FASTKD1: variants seen among roughly 807,000 people sequenced by gnomAD.
FASTKD1 encodes the protein FAST kinase domains 1.
FASTKD1 carries 94 observed loss-of-function variants against 90.9 expected under a neutral mutation model. The ratio of observed to expected loss-of-function variants is 1.03; its 90% CI spans 0.88 to 1.23. The LOEUF (loss-of-function observed/expected upper bound fraction) is 1.23. Among genes scored for constraint, FASTKD1 ranks in the 50% most tolerant of loss-of-function variants. FASTKD1 has a pLI of 0.00. For missense variants in FASTKD1, 945 were observed against 993.5 expected, an observed-to-expected ratio of 0.95 and a Z score of 0.66; for synonymous variants, 319 against 345.8, an observed-to-expected ratio of 0.92 and a Z score of 0.86.
chr2:169,562,030 T>C (rs13010047), intron 4 of FASTKD1, among the ~76,000 whole-genome samples: 3,179 of 100,968 alleles, frequency 0.031, 277 homozygotes, highest in Non-Finnish European at 0.047. Context: ...ATTAATTATT[T>C]ATTAATTTAT....
chr2:169,568,048 G>A (rs895271701), intron 3 of FASTKD1, among the ~76,000 whole-genome samples: 9 of 152,148 alleles, frequency 5.9e-5, no homozygotes, highest in Non-Finnish European at 1.3e-4. Flanking sequence ...TGATTATCAA[G>A]TAAGGCAACA....
At position 169,530,630 on chromosome 2, in the gene FASTKD1, A is replaced by T. The variant is rs946633269; in HGVS notation, c.2399T>A (p.Met800Lys). Residue 800 changes from methionine to lysine, a missense_variant, in exon 14 of 15, where the codon ATG becomes AAG. Transcript: ENST00000453153. ...NIPHMKGKSA[M>K]KKRHLEILGY... is the part of the protein sequence containing the mutation. ...CAGAATTTCCAAATGTCGTTTTTTC[A>T]TAGCAGATTTTCCTTTCATGTGAGG... 2 of 1,609,448 alleles carry T rather than the reference A, an allele frequency of 1.2e-6. No individual in the cohort carries two copies. Among genetic ancestry groups the T allele is most frequent in the Admixed American group, 1.7e-5 (1 of 59,002 alleles).
intron 5 of FASTKD1, among the ~76,000 whole-genome samples, chr2:169,558,528 C>A (rs1390384027): frequency 6.6e-6 from 1 of 152,162 alleles, no homozygotes; most frequent in Non-Finnish European, 1.5e-5. Flanking sequence ...TGGCTCACTG[C>A]AACCTCAGTC....
intron 9 of FASTKD1, 98 bp from the exon 10 acceptor site, chr2:169,540,277 A>G: frequency 1.6e-6 from 2 of 1,236,288 alleles, no homozygotes; most frequent in East Asian, 2.6e-5. Context: ...AAAAAAAGAT[A>G]CACAGCCTTG....
chr2:169,531,227 G>C, intron 13 of FASTKD1, 125 bp downstream of exon 13: 1 of 998,070 alleles, frequency 1.0e-6, no homozygotes, highest in South Asian at 1.3e-5. Context: ...AAGTTACAAA[G>C]GTGGAATGCA....
At chr2:169,542,073 A>G (rs146441413) in intron 9 of FASTKD1, among the ~76,000 whole-genome samples, 12 of 152,128 alleles carry the variant, frequency 7.9e-5, no homozygotes, top group African/African-American at 2.6e-4. Context: ...ATAGCACTCC[A>G]TCTCACACTT....
rs1375657175 is a variant in FASTKD1, at chr2:169,562,177, G to GT, written c.572+1047dup. ...TAATTATTTATTAATTTATTTTTTG[G>GT]TTTTTTTGGATTTTGTTGTTGTTGT... is the stretch of plus-strand genomic sequence containing the variant. On this transcript the variant is annotated intron_variant, in intron 4 of 14. Transcript: ENST00000453153. 4.3e-5 allele frequency among the ~76,000 whole-genome samples: 6 copies of GT among 139,884 alleles called. No individual in the cohort carries two copies. In the South Asian group the frequency reaches 9.1e-4, roughly 21 times the overall value. The allele number at this position is 139,884 out of a possible 152,430, so 91.8% of individuals were successfully genotyped here.
rs777926317 is a variant in FASTKD1, at chr2:169,531,394, T to G, written c.2285A>C (p.Asn762Thr). 6.2e-7 allele frequency: 1 copy of G among 1,613,432 alleles called. No homozygotes were observed. Among genetic ancestry groups the G allele is most frequent in the South Asian group, 1.1e-5 (1 of 91,030 alleles). The change falls in exon 13 of 15, where the codon AAT (asparagine) becomes ACT (threonine). Residue 762 changes from asparagine (N) to threonine (T), a missense_variant. Asn to Thr is a moderately conservative substitution (Grantham distance 65, BLOSUM62 0). Coordinates refer to ENST00000453153, the MANE Select transcript of FASTKD1 (RefSeq NM_024622.6). ...CAGCCTTGATCCAACTATTTCGATA[T>G]TTGATTCCCAGGGCATTTCTGGTAG... Reference protein sequence around the residue: ...GQLPEMPWESNIEIVGSRLPP... With the variant: ...GQLPEMPWESTIEIVGSRLPP...
chr2:169,567,230 T>C (rs899344719), intron 3 of FASTKD1, among the ~76,000 whole-genome samples: 1 of 152,102 alleles, frequency 6.6e-6, no homozygotes, highest in East Asian at 1.9e-4. Flanking sequence ...AATACAATCA[T>C]ACATGTAATT....
intron 3 of FASTKD1, among the ~76,000 whole-genome samples, chr2:169,564,436 T>A (rs11884826): frequency 0.5 from 74,662 of 150,452 alleles, 18,463 homozygotes; most frequent in South Asian, 0.53. Context: ...AAAAAAAAAA[T>A]TTTTTTTGTG....
intron 4 of FASTKD1, among the ~76,000 whole-genome samples, chr2:169,561,780 TATTA>T (rs1473482721): frequency 7.2e-6 from 1 of 139,482 alleles, no homozygotes; most frequent in Admixed American, 7.1e-5. Context: ...GTAAATTATT[TATTA>T]ATTTATTGTA....
At chr2:169,548,967 G>A (rs1043233307) in intron 7 of FASTKD1, among the ~76,000 whole-genome samples, 37 of 151,490 alleles carry the variant, frequency 2.4e-4, no homozygotes, top group Middle Eastern at 3.4e-3. Context: ...CATGGTGGTG[G>A]GTGCCTGTAG....
intron 3 of FASTKD1, among the ~76,000 whole-genome samples, chr2:169,565,435 T>C (rs1683929490): frequency 6.6e-6 from 1 of 151,718 alleles, no homozygotes; most frequent in South Asian, 2.1e-4. Flanking sequence ...GCTAACTTTT[T>C]GTATTTTTAG....
chr2:169,561,320 G>A (rs1344737338), intron 4 of FASTKD1, among the ~76,000 whole-genome samples: 1 of 151,342 alleles, frequency 6.6e-6, no homozygotes, highest in African/African-American at 2.4e-5. Context: ...GGGTGGAGTG[G>A]GGCAAGAAGA....
intron 3 of FASTKD1, among the ~76,000 whole-genome samples, chr2:169,565,871 T>C (rs1683953330): frequency 1.3e-5 from 2 of 152,318 alleles, no homozygotes; most frequent in Middle Eastern, 3.4e-3. Flanking sequence ...GTCTTTTGGA[T>C]ATAAGCCATT....
rs761301247 is a variant in FASTKD1 at position 169,540,196 on chromosome 2, A to AT, written c.1817-18dup. 80 of 1,526,408 alleles carry AT rather than the reference A, an allele frequency of 5.2e-5. No homozygotes were observed. In the African/African-American group the frequency reaches 7.7e-4, roughly 15 times the overall value. 94.6% of individuals were successfully genotyped at this position (1,526,408 alleles called of 1,614,324 possible). ...CCAATATACCTAAAAGAAAATTAAGATTTTTTTAAAGGTATAGCTGCCTCA... is the reference window on the plus strand; with the variant it reads ...CCAATATACCTAAAAGAAAATTAAGATTTTTTTTAAAGGTATAGCTGCCTCA... On this transcript the variant is annotated splice_polypyrimidine_tract_variant and intron_variant, in intron 9 of 14. Coordinates refer to ENST00000453153, the MANE Select transcript of FASTKD1 (RefSeq NM_024622.6).
At chr2:169,559,180 T>C (rs114477738) in intron 5 of FASTKD1, among the ~76,000 whole-genome samples, 2 of 151,164 alleles carry the variant, frequency 1.3e-5, no homozygotes, top group African/African-American at 4.9e-5. Context: ...TCCATGTTGG[T>C]CTGGGTGGTC....
At chr2:169,553,271 C>A (rs1390455383) in intron 7 of FASTKD1, among the ~76,000 whole-genome samples, 93 of 79,154 alleles carry the variant, frequency 1.2e-3, no homozygotes, top group South Asian at 2.6e-3. Flanking sequence ...TAAAAGCATG[C>A]AAAAAAAAAA....
intron 7 of FASTKD1, among the ~76,000 whole-genome samples, chr2:169,548,044 A>T (rs1389902898): frequency 6.6e-6 from 1 of 151,464 alleles, no homozygotes; most frequent in Non-Finnish European, 1.5e-5. Flanking sequence ...AAGAAAAAAA[A>T]ATCTTTAAGT....
Sources: gnomAD v4.1 joint callset for allele counts (sites outside exome capture counted in the v4.1 genomes callset) on GRCh38, gnomAD v4.1.1 for gene constraint, MANE v1.5 for transcripts, NCBI Gene and HGNC (gene_info 2026-07-23, HGNC 2026-07-21) for gene names.